Variants in GALNT13 observed in about 807,000 individuals in gnomAD.
The protein encoded by GALNT13 is UDP-GalNAc:polypeptide N-acetylgalactosaminyltransferase 13.
Under a neutral mutation model 64.2 loss-of-function variants are expected in GALNT13, and 28 were observed. The ratio of observed to expected loss-of-function variants is 0.44; its 90% CI spans 0.32 to 0.60. GALNT13 has a LOEUF of 0.60. Ranked by LOEUF, GALNT13 falls within the 20% of genes least tolerant of loss-of-function variation. The pLI is 0.05. For missense variants in GALNT13, 577 were observed against 669.8 expected (o/e 0.86, Z 1.53); for synonymous variants, 214 against 224.6 (o/e 0.95, Z 0.42).
chr2:153,134,068 G>A, the GALNT13 span, among the ~76,000 whole-genome samples: 1 of 152,266 alleles, frequency 6.6e-6, no homozygotes, highest in Middle Eastern at 3.4e-3. Flanking sequence ...TCTTCATTTA[G>A]TCTAATTACT....
the GALNT13 span, among the ~76,000 whole-genome samples, chr2:153,277,973 C>T: frequency 1.7e-5 from 2 of 115,830 alleles, no homozygotes; most frequent in Non-Finnish European, 3.5e-5. Flanking sequence ...GTCACCCAGG[C>T]TGGAGTGCAG....
intron 3 of GALNT13, among the ~76,000 whole-genome samples, chr2:154,105,214 A>G (rs1188426900): frequency 1.4e-5 from 2 of 146,872 alleles, no homozygotes; most frequent in Non-Finnish European, 1.5e-5. Context: ...GTGATTGTTC[A>G]CCTATGATCT....
the GALNT13 span, among the ~76,000 whole-genome samples, chr2:153,534,995 T>A: frequency 6.6e-6 from 1 of 151,802 alleles, no homozygotes; most frequent in South Asian, 2.1e-4. Flanking sequence ...AGTGTTGAAG[T>A]GTTGAAGTGT....
At chr2:154,181,559 C>T (rs1685959499) in intron 4 of GALNT13, among the ~76,000 whole-genome samples, 1 of 151,936 alleles carries the variant, frequency 6.6e-6, no homozygotes. Flanking sequence ...TTTTGAAAAA[C>T]AAGTTTGATA....
intron 3 of GALNT13, among the ~76,000 whole-genome samples, chr2:154,104,915 C>T (rs1021592805): frequency 6.6e-6 from 1 of 152,150 alleles, no homozygotes; most frequent in African/African-American, 2.4e-5. Context: ...TATAACCACA[C>T]GTGTGCAAGC....
the GALNT13 span, among the ~76,000 whole-genome samples, chr2:153,336,267 A>T: frequency 6.6e-6 from 1 of 151,974 alleles, no homozygotes; most frequent in Admixed American, 6.6e-5. Flanking sequence ...CGTCCTCCAG[A>T]CCCCAAAATG....
chr2:153,999,341 C>T (rs914561454), intron 3 of GALNT13, among the ~76,000 whole-genome samples: 1 of 151,490 alleles, frequency 6.6e-6, no homozygotes, highest in Non-Finnish European at 1.5e-5. Context: ...GCTAAGACTC[C>T]CAATAGTATG....
the GALNT13 span, among the ~76,000 whole-genome samples, chr2:153,211,999 T>C: frequency 6.6e-6 from 1 of 152,162 alleles, no homozygotes; most frequent in Non-Finnish European, 1.5e-5. Flanking sequence ...CATAAAGTGA[T>C]GCTTAGAAAA....
the GALNT13 span, among the ~76,000 whole-genome samples, chr2:153,603,648 T>A: frequency 3.9e-5 from 6 of 152,016 alleles, no homozygotes; most frequent in Non-Finnish European, 4.4e-5. Flanking sequence ...CCTCAACTTT[T>A]CCTATTAGCA....
chr2:153,775,437 A>G, the GALNT13 span, among the ~76,000 whole-genome samples: 1 of 152,150 alleles, frequency 6.6e-6, no homozygotes, highest in Non-Finnish European at 1.5e-5. Context: ...TGCCTCATTC[A>G]TATGTTGATA....
At chr2:154,289,722 T>G (rs1263760442) in intron 8 of GALNT13, among the ~76,000 whole-genome samples, 1 of 152,212 alleles carries the variant, frequency 6.6e-6, no homozygotes, top group Non-Finnish European at 1.5e-5. Flanking sequence ...TGCCAAGTCA[T>G]GCTATTGCCT....
At chr2:154,447,205 C>A (rs912881764) in intron 12 of GALNT13, among the ~76,000 whole-genome samples, 2 of 151,930 alleles carry the variant, frequency 1.3e-5, no homozygotes, top group South Asian at 4.2e-4. Flanking sequence ...TATTCAGATA[C>A]TTTGGTTAAA....
At chr2:153,927,133 A>G (rs867373042) in intron 2 of GALNT13, among the ~76,000 whole-genome samples, 2 of 152,240 alleles carry the variant, frequency 1.3e-5, no homozygotes, top group South Asian at 4.1e-4. Context: ...ATTTTTAAGA[A>G]AATGGGTCAA....
chr2:153,318,180 C>T, the GALNT13 span, among the ~76,000 whole-genome samples: 3 of 150,532 alleles, frequency 2.0e-5, no homozygotes, highest in African/African-American at 4.9e-5. Context: ...ATTCATCTCC[C>T]ATTCTGCATA....
intron 1 of GALNT13, among the ~76,000 whole-genome samples, chr2:153,886,842 T>G (rs1218861381): frequency 6.6e-6 from 1 of 152,054 alleles, no homozygotes; most frequent in Admixed American, 6.6e-5. Flanking sequence ...TTTAGCATAT[T>G]AACTTCCTCT....
the GALNT13 span, among the ~76,000 whole-genome samples, chr2:153,852,834 G>C: frequency 3.9e-5 from 6 of 152,144 alleles, no homozygotes; most frequent in South Asian, 6.2e-4. Context: ...CCACACAAAG[G>C]CTTGTTGTAT....
the GALNT13 span, among the ~76,000 whole-genome samples, chr2:153,326,278 T>G: frequency 0.68 from 102,327 of 150,868 alleles, 36,323 homozygotes; most frequent in Non-Finnish European, 0.79. Context: ...AAGTTTGTTT[T>G]ATCAGAGACT....
chr2:154,454,340 G>T (rs867164887), downstream of GALNT13, among the ~76,000 whole-genome samples: 5 of 152,018 alleles, frequency 3.3e-5, no homozygotes, highest in Non-Finnish European at 5.9e-5. Flanking sequence ...TTATAGAAAT[G>T]GAACAATAAT....
At chr2:153,757,701 A>G in the GALNT13 span, among the ~76,000 whole-genome samples, 1 of 152,084 alleles carries the variant, frequency 6.6e-6, no homozygotes, top group Non-Finnish European at 1.5e-5. Flanking sequence ...GACATACCTC[A>G]TTGTTTTAAT....
Sources: allele counts gnomAD v4.1 joint callset (sites outside exome capture counted in the v4.1 genomes callset), GRCh38; gene constraint gnomAD v4.1.1; transcripts MANE v1.5; gene names NCBI Gene and HGNC (gene_info 2026-07-23, HGNC 2026-07-21).